The following THOC2 variants were observed in gnomAD, a reference collection of about 807,000 sequenced individuals.
THOC2 encodes THO complex subunit 2, also known as THO complex 2.
Under a neutral mutation model 128.4 loss-of-function variants are expected in THOC2, and 10 were observed. That is an observed-to-expected ratio of 0.08 (90% CI 0.05 to 0.13). THOC2 has a LOEUF of 0.13. THOC2 is among the 10% of genes least tolerant of loss of function. The pLI is 1.00. For missense variants in THOC2, 535 were observed against 1,155.7 expected, an observed-to-expected ratio of 0.46 and a Z score of 7.79; for synonymous variants, 393 against 396.9, an observed-to-expected ratio of 0.99 and a Z score of 0.12.
At chrX:123,686,527 T>C in intron 8 of THOC2, 21 bp downstream of exon 8, 1 of 1,149,791 alleles carries the variant, frequency 8.7e-7, no homozygotes, top group Non-Finnish European at 1.2e-6. Context: ...TAAATATACA[T>C]ACATACACGT....
intron 3 of THOC2, among the ~76,000 whole-genome samples, chrX:123,705,834 T>A: frequency 9.0e-6 from 1 of 111,487 alleles, no homozygotes; most frequent in Non-Finnish European, 1.9e-5. Context: ...ATCCCACACC[T>A]TAATAAAACC....
chrX:123,620,876 A>G (rs1294371701), intron 32 of THOC2, 31 bp downstream of exon 32: 2 of 1,194,774 alleles, frequency 1.7e-6, no homozygotes. Flanking sequence ...TGAGCCTAAC[A>G]TGGACGCTGC....
chrX:123,692,134 C>T (rs1056932721), intron 7 of THOC2, among the ~76,000 whole-genome samples: 3 of 111,728 alleles, frequency 2.7e-5, no homozygotes, highest in East Asian at 2.8e-4. Flanking sequence ...TTAAAGTGTA[C>T]AGCATGATGC....
chrX:123,658,607 A>G (rs2048702490), intron 12 of THOC2, among the ~76,000 whole-genome samples: 1 of 112,766 alleles, frequency 8.9e-6, no homozygotes, highest in African/African-American at 3.2e-5. Context: ...TGAAAAGGCT[A>G]CATACTATCT....
chrX:123,647,013 T>C (rs966103116), intron 12 of THOC2, among the ~76,000 whole-genome samples: 6 of 111,930 alleles, frequency 5.4e-5, no homozygotes, highest in African/African-American at 1.6e-4. Flanking sequence ...AAATAAAACA[T>C]TTTCTTATTT....
intron 12 of THOC2, among the ~76,000 whole-genome samples, chrX:123,656,329 C>CT (rs1270278237): frequency 1.8e-5 from 1 of 54,260 alleles, no homozygotes; most frequent in Non-Finnish European, 3.1e-5. Context: ...GAGACTCCGT[C>CT]TAAAAAAAAA....
chrX:123,646,128 AC>A (rs1260470605), intron 12 of THOC2, among the ~76,000 whole-genome samples: 4 of 112,289 alleles, frequency 3.6e-5, no homozygotes, highest in Non-Finnish European at 5.6e-5. Flanking sequence ...CTTTTAATTC[AC>A]CACTCCCAAA....
chrX:123,684,670 G>A (rs1240079698), intron 8 of THOC2, among the ~76,000 whole-genome samples: 1 of 112,212 alleles, frequency 8.9e-6, no homozygotes, highest in African/African-American at 3.2e-5. Context: ...TTACAGGCGT[G>A]AGCCACTGCA....
intron 1 of THOC2, among the ~76,000 whole-genome samples, chrX:123,731,073 T>C (rs2052229644): frequency 8.9e-6 from 1 of 112,756 alleles, no homozygotes; most frequent in Admixed American, 9.3e-5. Flanking sequence ...TGAACTGCTT[T>C]TATCAGTTTT....
chrX:123,679,765 A>T (rs1261283207), intron 8 of THOC2, among the ~76,000 whole-genome samples: 2 of 111,947 alleles, frequency 1.8e-5, no homozygotes, highest in African/African-American at 6.5e-5. Context: ...GATGCTGTTA[A>T]TCTGTAACCC....
chrX:123,610,315 A>G (rs1173455688), intron 38 of THOC2: 1 of 110,980 alleles, frequency 9.0e-6, no homozygotes, highest in Non-Finnish European at 1.9e-5. Context: ...AAAAAAAAGA[A>G]AAAAAAAGTT....
chrX:123,727,939 G>A (rs1389774132), intron 1 of THOC2, among the ~76,000 whole-genome samples: 1 of 112,489 alleles, frequency 8.9e-6, no homozygotes, highest in Non-Finnish European at 1.9e-5. Flanking sequence ...CTTAACATGA[G>A]TATACGGCTT....
At chrX:123,686,778 A>G (rs1325396286) in intron 7 of THOC2, 64 bp from the exon 8 acceptor site, 1 of 877,183 alleles carries the variant, frequency 1.1e-6, no homozygotes, top group African/African-American at 2.0e-5. Context: ...TGAAGCCATT[A>G]ATTTTCAGGA....
At chrX:123,656,063 C>A (rs1344643805) in intron 12 of THOC2, among the ~76,000 whole-genome samples, 1 of 108,553 alleles carries the variant, frequency 9.2e-6, no homozygotes, top group Non-Finnish European at 1.9e-5. Flanking sequence ...TGGCTCATGC[C>A]TGTAATCCCA....
chrX:123,706,982 C>A, intron 2 of THOC2, 33 bp from the exon 3 acceptor site: 2 of 756,284 alleles, frequency 2.6e-6, no homozygotes, highest in Non-Finnish European at 3.8e-6. Context: ...TGTAAGGATA[C>A]AGTCTCTTGA....
intron 7 of THOC2, among the ~76,000 whole-genome samples, chrX:123,688,615 C>G (rs867566456): frequency 2.7e-5 from 3 of 110,519 alleles, no homozygotes; most frequent in Non-Finnish European, 3.8e-5. Flanking sequence ...CCCAGCTACT[C>G]AGGAGGCTGA....
At chrX:123,626,429 C>T (rs2047272558) in intron 24 of THOC2, 92 bp downstream of exon 24, 1 of 941,023 alleles carries the variant, frequency 1.1e-6, no homozygotes, top group Non-Finnish European at 1.4e-6. Context: ...AGTTGAAATA[C>T]AAACATAATA....
intron 12 of THOC2, among the ~76,000 whole-genome samples, chrX:123,663,173 C>T (rs2048911334): frequency 8.9e-6 from 1 of 111,816 alleles, no homozygotes; most frequent in South Asian, 3.7e-4. Context: ...TAATAGCCTC[C>T]AGGTAGAAAC....
chrX:123,677,752 C>T (rs1412376358), intron 8 of THOC2, among the ~76,000 whole-genome samples: 3 of 109,410 alleles, frequency 2.7e-5, no homozygotes, highest in African/African-American at 1.0e-4. Flanking sequence ...CGCCTGTAAT[C>T]CCAGCTACTT....
Sources: allele counts gnomAD v4.1 joint callset (sites outside exome capture counted in the v4.1 genomes callset), GRCh38; gene constraint gnomAD v4.1.1; transcripts MANE v1.5; gene names NCBI Gene and HGNC (gene_info 2026-07-23, HGNC 2026-07-21).